The following TRERF1 variants were observed in gnomAD, a reference collection of about 807,000 sequenced individuals.
TRERF1 encodes transcriptional regulating factor 1.
Under a neutral mutation model 122.9 loss-of-function variants are expected in TRERF1, and 27 were observed. That is an observed-to-expected ratio of 0.22 (90% confidence interval 0.16 to 0.30). The LOEUF is 0.30. Ranked by LOEUF, TRERF1 falls within the 10% of genes least tolerant of loss-of-function variation. The pLI is 1.00. For synonymous variants in TRERF1, 636 were observed against 641.7 expected (o/e 0.99, Z 0.13); for missense variants, 1,248 against 1,560.3 (o/e 0.80, Z 3.37).
intron 2 of TRERF1, among the ~76,000 whole-genome samples, chr6:42,377,945 C>T (rs1775205485): frequency 6.6e-6 from 1 of 152,160 alleles, no homozygotes; most frequent in Non-Finnish European, 1.5e-5. Context: ...CTCTTGTCAC[C>T]ATCTTGAAAG....
Position 42,269,804 on chromosome 6 carries a change from A to G in TRERF1, c.-214T>C. The stretch of plus-strand genomic sequence containing the variant: ...GGGTTTCACATCCTCTCCCTGGCTG[A>G]GGTATAGACCACACAGCACTGTGGT... On this transcript the variant is annotated 5_prime_UTR_variant, in exon 5 of 18. Transcript: ENST00000372922. The surrounding 1 kb of genome is among the most constrained non-coding windows in gnomAD (Gnocchi z 4.9). 2.9e-6 allele frequency: 4 copies of G among 1,367,692 alleles called. No individual in the cohort carries two copies. The highest frequency in any genetic ancestry group is 3.8e-6 in the Non-Finnish European group (4 of 1,041,468). The allele number at this position is 1,367,692 out of a possible 1,614,324, so 84.7% of individuals were successfully genotyped here.
chr6:42,426,712 C>T (rs543558637), intron 2 of TRERF1, among the ~76,000 whole-genome samples: 1 of 152,246 alleles, frequency 6.6e-6, no homozygotes, highest in Admixed American at 6.5e-5. Context: ...CGCAGACACG[C>T]TCATTCATTT....
intron 3 of TRERF1, among the ~76,000 whole-genome samples, chr6:42,312,997 A>C (rs1262445435): frequency 6.6e-6 from 1 of 152,244 alleles, no homozygotes; most frequent in African/African-American, 2.4e-5. Context: ...ACCCTGGGGC[A>C]GTGCCCTCTG....
At chr6:42,407,765 GA>G (rs918145126) in intron 2 of TRERF1, among the ~76,000 whole-genome samples, 13 of 146,118 alleles carry the variant, frequency 8.9e-5, no homozygotes, top group South Asian at 4.3e-4. Flanking sequence ...ATTTTACAGA[GA>G]AAAAAAAAAC....
rs532546851 is a variant in TRERF1 at position 42,339,651 on chromosome 6, C to A, written c.-371+23346G>T. Among the ~76,000 whole-genome samples the A allele has an allele frequency of 2.6e-4, 39 of 152,308 alleles. 1 individual carries two copies. In the South Asian group the frequency reaches 7.7e-3, roughly 30 times the overall value. On this transcript the variant is annotated intron_variant, in intron 3 of 17. Coordinates refer to ENST00000372922, the Ensembl canonical transcript of TRERF1. ...TGTGTTTATGTTTCTATTTAACAAACCTTGAATTTCATAGCAGGTATCAAG... is the reference window on the plus strand; with the variant it reads ...TGTGTTTATGTTTCTATTTAACAAAACTTGAATTTCATAGCAGGTATCAAG...
intron 2 of TRERF1, among the ~76,000 whole-genome samples, chr6:42,417,930 C>G (rs1444265493): frequency 6.6e-6 from 1 of 152,218 alleles, no homozygotes; most frequent in Non-Finnish European, 1.5e-5. Context: ...TGAACACACA[C>G]ACATACAATT....
intron 2 of TRERF1, among the ~76,000 whole-genome samples, chr6:42,422,932 C>T (rs767806324): frequency 2.6e-5 from 4 of 152,172 alleles, no homozygotes; most frequent in South Asian, 2.1e-4. Flanking sequence ...CTCCATCTCC[C>T]GGGTTCAAGT....
intron 3 of TRERF1, among the ~76,000 whole-genome samples, chr6:42,324,895 G>A (rs1256923181): frequency 6.6e-6 from 1 of 152,142 alleles, no homozygotes; most frequent in Non-Finnish European, 1.5e-5. Flanking sequence ...AATGAAAATT[G>A]ACAAGTAGGG....
At chr6:42,362,743 C>G (rs1007007224) in intron 3 of TRERF1, among the ~76,000 whole-genome samples, 3 of 152,198 alleles carry the variant, frequency 2.0e-5, no homozygotes, top group Admixed American at 6.5e-5. Flanking sequence ...CCATTGGATC[C>G]TCAACTATTT....
chr6:42,248,785 G>T (rs79240729), intron 13 of TRERF1, among the ~76,000 whole-genome samples: 4,961 of 152,266 alleles, frequency 0.033, 273 homozygotes, highest in African/African-American at 0.11. Flanking sequence ...GGAGCCTCAG[G>T]GGGGCTGGGG....
At chr6:42,436,947 C>G (rs1295263031) in intron 2 of TRERF1, among the ~76,000 whole-genome samples, 1 of 150,976 alleles carries the variant, frequency 6.6e-6, no homozygotes, top group Non-Finnish European at 1.5e-5. Flanking sequence ...AGGCAGGAGA[C>G]TGTGGTGTAA....
intron 4 of TRERF1, among the ~76,000 whole-genome samples, chr6:42,289,308 G>A (rs1044525360): frequency 2.7e-5 from 4 of 150,760 alleles, no homozygotes; most frequent in African/African-American, 9.8e-5. Flanking sequence ...CCCAGCCTGG[G>A]TGACAGAGTG....
rs371949232 is a variant in TRERF1, at chr6:42,270,195, C to CTG, written c.-258-349_-258-348dup. Among the ~76,000 whole-genome samples the CTG allele has an allele frequency of 1.1e-3, 171 of 151,494 alleles. 2 individuals carry two copies. Among genetic ancestry groups the CTG allele is most frequent in the African/African-American group, 3.9e-3 (162 of 41,390 alleles). On this transcript the variant is annotated intron_variant, in intron 4 of 17. Transcript: ENST00000372922. ...CATAAAACCGCACCTCTCTCTCTCT[C>CTG]TGTGTGTGTGTATATATATATATGA...
chr6:42,385,877 A>G (rs1400539033), intron 2 of TRERF1, among the ~76,000 whole-genome samples: 2 of 152,222 alleles, frequency 1.3e-5, no homozygotes, highest in Admixed American at 1.3e-4. Flanking sequence ...TATCATTCTT[A>G]CCTGAAACTT....
At chr6:42,277,113 G>A (rs1781274932) in intron 4 of TRERF1, among the ~76,000 whole-genome samples, 1 of 152,172 alleles carries the variant, frequency 6.6e-6, no homozygotes. Context: ...CTTCCTAGCT[G>A]TCATGGAGCA....
At chr6:42,353,149 C>T (rs929941762) in intron 3 of TRERF1, among the ~76,000 whole-genome samples, 25 of 152,062 alleles carry the variant, frequency 1.6e-4, no homozygotes, top group African/African-American at 3.6e-4. Context: ...TTGGCCTGGG[C>T]GACAGAATGA....
At chr6:42,247,816 T>C (rs1775069017) in intron 13 of TRERF1, among the ~76,000 whole-genome samples, 1 of 152,188 alleles carries the variant, frequency 6.6e-6, no homozygotes, top group Non-Finnish European at 1.5e-5. Context: ...AGTCTTATTC[T>C]TCTGGCCTGC....
intron 2 of TRERF1, among the ~76,000 whole-genome samples, chr6:42,383,830 A>G (rs1471456130): frequency 6.6e-6 from 1 of 152,186 alleles, no homozygotes; most frequent in Non-Finnish European, 1.5e-5. Flanking sequence ...AATCAAAAGA[A>G]AATACAAATG....
intron 2 of TRERF1, among the ~76,000 whole-genome samples, chr6:42,411,162 G>A (rs534615113): frequency 2.0e-5 from 3 of 152,310 alleles, no homozygotes; most frequent in South Asian, 2.1e-4. Flanking sequence ...CCATCCATCC[G>A]GCTGGACTGG....
Sources: allele counts gnomAD v4.1 joint callset (sites outside exome capture counted in the v4.1 genomes callset), GRCh38; gene constraint gnomAD v4.1.1; non-coding constraint Gnocchi (gnomAD v3.1); transcripts MANE v1.5; gene names NCBI Gene and HGNC (gene_info 2026-07-23, HGNC 2026-07-21).